The following ARL15 variants were observed in gnomAD, a reference collection of about 807,000 sequenced individuals.
ARL15 encodes ADP-ribosylation factor-like protein 15.
Under a neutral mutation model 25.2 loss-of-function variants are expected in ARL15, and 19 were observed. The observed-to-expected ratio is 0.75, with a 90% confidence interval of 0.53 to 1.10. The LOEUF (loss-of-function observed/expected upper bound fraction) is 1.10, where lower values mean the gene tolerates loss of function less well. ARL15 is among the 50% of genes least tolerant of loss of function. The pLI is 0.00. For synonymous variants in ARL15, 94 were observed against 86.8 expected (o/e 1.08, Z -0.46); for missense variants, 220 against 246.0 (o/e 0.89, Z 0.71).
At chr5:54,071,245 G>A (rs764749300) in intron 4 of ARL15, among the ~76,000 whole-genome samples, 8 of 152,030 alleles carry the variant, frequency 5.3e-5, no homozygotes, top group Non-Finnish European at 1.2e-4. Context: ...GCAACAGCAA[G>A]TGGACTAAGT....
intron 1 of ARL15, among the ~76,000 whole-genome samples, chr5:54,176,796 C>T (rs889253865): frequency 1.5e-4 from 23 of 152,186 alleles, no homozygotes; most frequent in African/African-American, 5.1e-4. Flanking sequence ...CATCATGCTA[C>T]TAAGAAAGGC....
intron 4 of ARL15, among the ~76,000 whole-genome samples, chr5:54,080,021 A>G (rs1341738067): frequency 6.6e-6 from 1 of 151,432 alleles, no homozygotes; most frequent in Non-Finnish European, 1.5e-5. Context: ...ACACACAGAC[A>G]CAGATGTATA....
At chr5:54,265,493 G>A (rs977735678) in intron 1 of ARL15, among the ~76,000 whole-genome samples, 6 of 152,210 alleles carry the variant, frequency 3.9e-5, no homozygotes, top group South Asian at 2.1e-4. Flanking sequence ...AGGTTCAGCC[G>A]ATGGTAACAT....
chr5:54,244,284 T>G (rs909455130), intron 1 of ARL15, among the ~76,000 whole-genome samples: 1 of 152,208 alleles, frequency 6.6e-6, no homozygotes, highest in African/African-American at 2.4e-5. Flanking sequence ...GACAAACTAA[T>G]GTAATTCACA....
At chr5:53,990,724 A>T (rs962105524) in intron 4 of ARL15, among the ~76,000 whole-genome samples, 7 of 152,224 alleles carry the variant, frequency 4.6e-5, no homozygotes, top group African/African-American at 1.7e-4. Context: ...TAGAATTTTT[A>T]AAAATTGAAT....
intron 4 of ARL15, among the ~76,000 whole-genome samples, chr5:54,053,831 G>A (rs570019768): frequency 1.2e-3 from 177 of 152,128 alleles, no homozygotes; most frequent in Non-Finnish European, 2.0e-3. Flanking sequence ...AGTGTAATGT[G>A]GTGTCCTGTA....
intron 1 of ARL15, among the ~76,000 whole-genome samples, chr5:54,179,966 T>C (rs1302388878): frequency 7.0e-6 from 1 of 143,134 alleles, no homozygotes; most frequent in Non-Finnish European, 1.5e-5. Flanking sequence ...TGCAGTGAGC[T>C]GAGATCGCGC....
intron 1 of ARL15, chr5:54,285,283 A>C (rs1758156025): frequency 1.3e-6 from 1 of 782,414 alleles, no homozygotes; most frequent in Admixed American, 6.3e-5. Context: ...GGTCTATAGA[A>C]AAAGAATGCC....
rs1443680225 is a variant in ARL15, at chr5:54,199,838, T to C, written c.49-27910A>G. On this transcript the variant is annotated intron_variant, in intron 1 of 4. Transcript: ENST00000504924. ...TAAATCATGCTGCTATAAAGACACATGCACACATATGTTTATGGCAGCACT... is the reference window on the plus strand; with the variant it reads ...TAAATCATGCTGCTATAAAGACACACGCACACATATGTTTATGGCAGCACT... Among the ~76,000 whole-genome samples, 3 of 52,800 alleles carry C rather than the reference T, an allele frequency of 5.7e-5. 1 individual carries two copies. Among genetic ancestry groups the C allele is most frequent in the Non-Finnish European group, 1.4e-4 (3 of 21,592 alleles). 34.6% of individuals were successfully genotyped at this position (52,800 alleles called of 152,430 possible). A position where few individuals can be genotyped will look rare whatever the true frequency, so the allele number is the denominator to read the frequency against.
chr5:54,295,578 T>C (rs1758444111), intron 1 of ARL15, among the ~76,000 whole-genome samples: 1 of 151,088 alleles, frequency 6.6e-6, no homozygotes, highest in African/African-American at 2.4e-5. Context: ...CACATAGAAA[T>C]CCCAAAAAAT....
At chr5:54,020,902 C>A (rs563375768) in intron 4 of ARL15, among the ~76,000 whole-genome samples, 1 of 151,982 alleles carries the variant, frequency 6.6e-6, no homozygotes, top group South Asian at 2.1e-4. Context: ...TTGCAGTGAG[C>A]CGAGATAGCA....
chr5:53,905,312 C>T (rs188978999), intron 4 of ARL15, among the ~76,000 whole-genome samples: 28 of 152,220 alleles, frequency 1.8e-4, no homozygotes, highest in Admixed American at 1.0e-3. Context: ...CTCAAACCCA[C>T]GCTCATGTGC....
At chr5:54,195,957 AGCT>A (rs1277301921) in intron 1 of ARL15, among the ~76,000 whole-genome samples, 1 of 152,098 alleles carries the variant, frequency 6.6e-6, no homozygotes, top group Non-Finnish European at 1.5e-5. Context: ...ATAGCAGAAA[AGCT>A]GTAGCCCATC....
Position 54,096,093 on chromosome 5 carries a change from AC to A in ARL15, c.462+17108del, listed in dbSNP as rs552348531. Among the ~76,000 whole-genome samples, 1,489 of 152,262 alleles carry A rather than the reference AC, an allele frequency of 9.8e-3. 18 individuals are homozygous for A. The highest frequency in any genetic ancestry group is 0.015 in the Non-Finnish European group (1,054 of 68,010). ...TTTATAAAATGGATAAGGAGATAAT[AC>A]CACATTTCCCAGAACAATCAGGAGA... On this transcript the variant is annotated intron_variant, in intron 4 of 4. Coordinates refer to ENST00000504924, the MANE Select transcript of ARL15 (RefSeq NM_019087.3).
At chr5:53,944,574 A>G (rs1255050361) in intron 4 of ARL15, among the ~76,000 whole-genome samples, 1 of 152,150 alleles carries the variant, frequency 6.6e-6, no homozygotes, top group African/African-American at 2.4e-5. Context: ...CCTGGGTGGC[A>G]GAGTGAGACC....
chr5:54,303,489 T>A (rs1321837458), intron 1 of ARL15, among the ~76,000 whole-genome samples: 1 of 151,962 alleles, frequency 6.6e-6, no homozygotes, highest in East Asian at 1.9e-4. Context: ...CCAGCTTGGA[T>A]GACAGAGTGA....
At chr5:54,185,792 C>T (rs1755219583) in intron 1 of ARL15, among the ~76,000 whole-genome samples, 1 of 152,174 alleles carries the variant, frequency 6.6e-6, no homozygotes, top group Admixed American at 6.5e-5. Context: ...TTTTCAGTTA[C>T]AATAGTGTTT....
chr5:54,082,050 C>T (rs1486131395), intron 4 of ARL15, among the ~76,000 whole-genome samples: 1 of 135,932 alleles, frequency 7.4e-6, no homozygotes, highest in Non-Finnish European at 1.5e-5. Flanking sequence ...AAGACTGAGC[C>T]ACTGCATTCC....
At chr5:54,063,966 T>C (rs1050316587) in intron 4 of ARL15, among the ~76,000 whole-genome samples, 1 of 152,216 alleles carries the variant, frequency 6.6e-6, no homozygotes, top group African/African-American at 2.4e-5. Context: ...AGCATTTTTC[T>C]TAGGGCACAA....
Sources: gnomAD v4.1 joint callset for allele counts (sites outside exome capture counted in the v4.1 genomes callset) on GRCh38, gnomAD v4.1.1 for gene constraint, MANE v1.5 for transcripts, NCBI Gene and HGNC (gene_info 2026-07-23, HGNC 2026-07-21) for gene names.